CCDC85A: variants seen among roughly 807,000 people sequenced by gnomAD.
CCDC85A encodes coiled-coil domain-containing protein 85A.
A neutral mutation model predicts 50.2 loss-of-function variants in CCDC85A; 38 were observed. The observed-to-expected ratio is 0.76, with a 90% confidence interval of 0.58 to 0.99. The LOEUF is 0.99. Among genes scored for constraint, CCDC85A ranks in the 50% least tolerant of loss-of-function variants. The pLI is 0.00. For missense variants in CCDC85A, 820 were observed against 742.0 expected (o/e 1.11, Z -1.22); for synonymous variants, 366 against 301.4 (o/e 1.21, Z -2.22).
At chr2:56,333,712 A>G (rs1011281785) in intron 2 of CCDC85A, among the ~76,000 whole-genome samples, 2 of 152,182 alleles carry the variant, frequency 1.3e-5, no homozygotes, top group African/African-American at 4.8e-5. Context: ...TTTTGGAGGT[A>G]GGGTCAAAAA....
At chr2:56,314,728 G>A (rs572548815) in intron 2 of CCDC85A, among the ~76,000 whole-genome samples, 1 of 152,150 alleles carries the variant, frequency 6.6e-6, no homozygotes, top group Non-Finnish European at 1.5e-5. Context: ...TGCCATTTGA[G>A]CATACCCATG....
intron 2 of CCDC85A, among the ~76,000 whole-genome samples, chr2:56,248,100 G>A (rs2193472): frequency 0.99 from 150,103 of 152,336 alleles, 73,959 homozygotes; most frequent in East Asian, 1. Flanking sequence ...GATATTACCC[G>A]GATGGCTATT....
At chr2:56,329,994 T>C (rs1673702041) in intron 2 of CCDC85A, among the ~76,000 whole-genome samples, 1 of 146,246 alleles carries the variant, frequency 6.8e-6, no homozygotes, top group Non-Finnish European at 1.5e-5. Context: ...CAATTTCCTT[T>C]TTTGTGCATT....
At chr2:56,323,106 G>A (rs1291904245) in intron 2 of CCDC85A, among the ~76,000 whole-genome samples, 4 of 152,212 alleles carry the variant, frequency 2.6e-5, no homozygotes, top group Admixed American at 2.6e-4. Context: ...AGAACACATG[G>A]ACACAGGGTG....
At chr2:56,360,505 C>T (rs552865048) in intron 3 of CCDC85A, among the ~76,000 whole-genome samples, 10 of 152,270 alleles carry the variant, frequency 6.6e-5, no homozygotes, top group African/African-American at 2.4e-4. Flanking sequence ...GATTGTTTTT[C>T]AGGATAATGC....
intron 2 of CCDC85A, among the ~76,000 whole-genome samples, chr2:56,250,215 T>A (rs1669693286): frequency 6.6e-6 from 1 of 152,164 alleles, no homozygotes; most frequent in African/African-American, 2.4e-5. Flanking sequence ...TAATTTTTGG[T>A]AAGCCCACTT....
intron 2 of CCDC85A, among the ~76,000 whole-genome samples, chr2:56,238,108 A>G (rs1573077360): frequency 6.6e-6 from 1 of 152,232 alleles, no homozygotes; most frequent in East Asian, 1.9e-4. Flanking sequence ...CACTATGCAT[A>G]CTGCCAGACG....
At chr2:56,243,902 G>A (rs369489058) in intron 2 of CCDC85A, among the ~76,000 whole-genome samples, 2 of 152,210 alleles carry the variant, frequency 1.3e-5, no homozygotes, top group African/African-American at 4.8e-5. Context: ...TAGAGGTATT[G>A]CCTTGGTGGT....
intron 2 of CCDC85A, among the ~76,000 whole-genome samples, chr2:56,264,947 G>T (rs529455279): frequency 6.6e-6 from 1 of 152,266 alleles, no homozygotes; most frequent in East Asian, 1.9e-4. Context: ...CAGGTCTCTG[G>T]CAAAATGTCA....
chr2:56,229,482 A>AG (rs1467546234), intron 2 of CCDC85A, among the ~76,000 whole-genome samples: 1 of 152,180 alleles, frequency 6.6e-6, no homozygotes, highest in Non-Finnish European at 1.5e-5. Flanking sequence ...TTTAGACCTT[A>AG]GTTCTTCAAG....
intron 2 of CCDC85A, among the ~76,000 whole-genome samples, chr2:56,321,716 C>T (rs916415503): frequency 6.6e-6 from 1 of 152,144 alleles, no homozygotes. Flanking sequence ...GGCCATATGG[C>T]CCAAGGTAAT....
chr2:56,255,090 C>T (rs756322792), intron 2 of CCDC85A, among the ~76,000 whole-genome samples: 4 of 152,166 alleles, frequency 2.6e-5, no homozygotes, highest in African/African-American at 9.7e-5. Flanking sequence ...AAAACATGGA[C>T]TTATCACACC....
intron 2 of CCDC85A, among the ~76,000 whole-genome samples, chr2:56,213,091 A>G (rs1396316917): frequency 2.0e-5 from 3 of 152,042 alleles, no homozygotes; most frequent in Non-Finnish European, 4.4e-5. Context: ...ATTATTAACT[A>G]TGTGTAGAGG....
chr2:56,230,651 A>C (rs1411560516), intron 2 of CCDC85A, among the ~76,000 whole-genome samples: 1 of 152,176 alleles, frequency 6.6e-6, no homozygotes, highest in Admixed American at 6.5e-5. Context: ...TCCTCTTGTG[A>C]TCATCCATTT....
At chr2:56,209,593 T>C (rs1440025419) in intron 2 of CCDC85A, among the ~76,000 whole-genome samples, 1 of 151,970 alleles carries the variant, frequency 6.6e-6, no homozygotes, top group Admixed American at 6.6e-5. Context: ...TAGGTCTGCA[T>C]TGGTAGTAGG....
intron 3 of CCDC85A, among the ~76,000 whole-genome samples, chr2:56,364,109 C>G (rs1675671403): frequency 6.6e-6 from 1 of 152,028 alleles, no homozygotes; most frequent in African/African-American, 2.4e-5. Context: ...GAAGTAGTTG[C>G]CTATGTTTCC....
chr2:56,187,694 C>T (rs930632462), intron 1 of CCDC85A, among the ~76,000 whole-genome samples: 22 of 152,162 alleles, frequency 1.4e-4, no homozygotes, highest in African/African-American at 3.6e-4. Context: ...TGTTCAAAAT[C>T]GGCCTGCTTT....
intron 3 of CCDC85A, among the ~76,000 whole-genome samples, chr2:56,363,310 C>CA (rs934518045): frequency 1.3e-5 from 2 of 152,148 alleles, no homozygotes; most frequent in African/African-American, 4.8e-5. Flanking sequence ...GCAAAGGCTA[C>CA]ACTGCCTGGA....
intron 2 of CCDC85A, among the ~76,000 whole-genome samples, chr2:56,252,074 A>T: frequency 7.0e-6 from 1 of 142,500 alleles, no homozygotes. Flanking sequence ...TTTGAAATGG[A>T]CTCACACTGT....
Sources: gnomAD v4.1 joint callset for allele counts (sites outside exome capture counted in the v4.1 genomes callset) on GRCh38, gnomAD v4.1.1 for gene constraint, MANE v1.5 for transcripts, NCBI Gene and HGNC (gene_info 2026-07-23, HGNC 2026-07-21) for gene names.